Variants in ZNF385B observed in about 807,000 individuals in gnomAD.
ZNF385B encodes the protein zinc finger protein 533.
A neutral mutation model predicts 39.2 loss-of-function variants in ZNF385B; 23 were observed. That is an observed-to-expected ratio of 0.59 (90% confidence interval 0.42 to 0.83). The LOEUF is 0.83. Ranked by LOEUF, ZNF385B falls within the 40% of genes least tolerant of loss-of-function variation. The probability of loss-of-function intolerance (pLI) is 0.00; values close to 1 mark genes in which losing one functional copy is unlikely to be tolerated. For synonymous variants in ZNF385B, 205 were observed against 222.6 expected (o/e 0.92, Z 0.70); for missense variants, 552 against 598.9 (o/e 0.92, Z 0.82).
chr2:179,725,449 A>T (rs1489634428), intron 3 of ZNF385B, among the ~76,000 whole-genome samples: 1 of 151,778 alleles, frequency 6.6e-6, no homozygotes, highest in Non-Finnish European at 1.5e-5. Context: ...ATATTTATGA[A>T]TATATATATA....
intron 3 of ZNF385B, among the ~76,000 whole-genome samples, chr2:179,565,633 G>A (rs528575636): frequency 1.1e-4 from 17 of 152,322 alleles, no homozygotes; most frequent in Non-Finnish European, 2.2e-4. Flanking sequence ...TTCACTGCAC[G>A]AAGCACTAGC....
chr2:179,828,675 A>G (rs904298306), intron 1 of ZNF385B, among the ~76,000 whole-genome samples: 1 of 152,230 alleles, frequency 6.6e-6, no homozygotes, highest in African/African-American at 2.4e-5. Context: ...GAGAGTATGA[A>G]AATTACGAAT....
intron 6 of ZNF385B, among the ~76,000 whole-genome samples, chr2:179,462,780 T>C (rs1021155139): frequency 2.6e-5 from 4 of 152,136 alleles, no homozygotes; most frequent in African/African-American, 7.2e-5. Flanking sequence ...AAGGCCAACA[T>C]TGCAGATAAT....
At chr2:179,665,697 C>A (rs1695054622) in intron 3 of ZNF385B, among the ~76,000 whole-genome samples, 1 of 152,154 alleles carries the variant, frequency 6.6e-6, no homozygotes, top group Admixed American at 6.5e-5. Context: ...AGACAGAGCA[C>A]CAGCTCCCTT....
chr2:179,537,795 T>G (rs990442631), intron 4 of ZNF385B, among the ~76,000 whole-genome samples: 14 of 151,824 alleles, frequency 9.2e-5, no homozygotes, highest in Non-Finnish European at 1.5e-4. Flanking sequence ...AAATGTAAAA[T>G]TTTCTAGGCA....
At chr2:179,762,512 A>G (rs1400550624) in intron 3 of ZNF385B, among the ~76,000 whole-genome samples, 1 of 152,138 alleles carries the variant, frequency 6.6e-6, no homozygotes, top group Non-Finnish European at 1.5e-5. Context: ...TAATTTTTAA[A>G]TGGTAAGCCA....
chr2:179,856,412 C>T (rs1219117859), intron 1 of ZNF385B, among the ~76,000 whole-genome samples: 1 of 151,948 alleles, frequency 6.6e-6, no homozygotes, highest in African/African-American at 2.4e-5. Context: ...CAGGAAGTAA[C>T]CCACGCCCTT....
chr2:179,687,600 T>C (rs1698022362), intron 3 of ZNF385B, among the ~76,000 whole-genome samples: 1 of 152,178 alleles, frequency 6.6e-6, no homozygotes, highest in Admixed American at 6.5e-5. Context: ...ATTATCCCTA[T>C]GTTCCTAGTA....
intron 5 of ZNF385B, among the ~76,000 whole-genome samples, chr2:179,509,567 AG>A (rs1380894995): frequency 6.6e-6 from 1 of 152,192 alleles, no homozygotes; most frequent in African/African-American, 2.4e-5. Context: ...CAAGTTCCTG[AG>A]ATTTATGCTT....
chr2:179,838,015 G>C (rs1293699478), intron 1 of ZNF385B, among the ~76,000 whole-genome samples: 2 of 151,866 alleles, frequency 1.3e-5, no homozygotes, highest in African/African-American at 4.8e-5. Flanking sequence ...AAAATTTTAA[G>C]TGCACAATAT....
intron 3 of ZNF385B, among the ~76,000 whole-genome samples, chr2:179,559,820 A>G (rs1013689522): frequency 1.1e-4 from 17 of 152,190 alleles, no homozygotes; most frequent in African/African-American, 3.9e-4. Context: ...CATACAAAAT[A>G]TATTAACTAC....
At chr2:179,478,058 G>C (rs1319081245) in intron 6 of ZNF385B, among the ~76,000 whole-genome samples, 2 of 152,128 alleles carry the variant, frequency 1.3e-5, no homozygotes, top group Non-Finnish European at 2.9e-5. Flanking sequence ...GAAGTAATTG[G>C]AATAATGAAA....
chr2:179,555,964 T>C (rs1226794203), intron 3 of ZNF385B, among the ~76,000 whole-genome samples: 3 of 149,188 alleles, frequency 2.0e-5, no homozygotes, highest in Non-Finnish European at 4.4e-5. Flanking sequence ...TGATAAGCAA[T>C]AATGAAGTGC....
chr2:179,677,265 A>G (rs1355656578), intron 3 of ZNF385B, among the ~76,000 whole-genome samples: 1 of 152,210 alleles, frequency 6.6e-6, no homozygotes, highest in Non-Finnish European at 1.5e-5. Flanking sequence ...AAGCACAGGA[A>G]GTCTAAAACC....
At chr2:179,694,068 T>C (rs536576179) in intron 3 of ZNF385B, among the ~76,000 whole-genome samples, 1 of 152,224 alleles carries the variant, frequency 6.6e-6, no homozygotes, top group Non-Finnish European at 1.5e-5. Flanking sequence ...TTTATCTGTT[T>C]TAAACTATAT....
intron 1 of ZNF385B, among the ~76,000 whole-genome samples, chr2:179,817,293 T>C (rs1429397309): frequency 6.6e-6 from 1 of 152,202 alleles, no homozygotes; most frequent in African/African-American, 2.4e-5. Flanking sequence ...AATTGTTTCT[T>C]GAATTTCATG....
chr2:179,700,594 A>G (rs1394478147), intron 3 of ZNF385B, among the ~76,000 whole-genome samples: 1 of 152,256 alleles, frequency 6.6e-6, no homozygotes, highest in Non-Finnish European at 1.5e-5. Flanking sequence ...TGCTATAGCA[A>G]AGAAAGACAA....
At chr2:179,809,489 T>G (rs905292630) in intron 1 of ZNF385B, among the ~76,000 whole-genome samples, 1 of 152,102 alleles carries the variant, frequency 6.6e-6, no homozygotes, top group East Asian at 1.9e-4. Context: ...AATATACACA[T>G]AAGACCCAAG....
At chr2:179,559,391 C>T (rs2061172343) in intron 3 of ZNF385B, among the ~76,000 whole-genome samples, 1 of 152,086 alleles carries the variant, frequency 6.6e-6, no homozygotes, top group African/African-American at 2.4e-5. Flanking sequence ...CTGCCATTCT[C>T]CTGACATCCT....
Sources: gnomAD v4.1 joint callset for allele counts (sites outside exome capture counted in the v4.1 genomes callset) on GRCh38, gnomAD v4.1.1 for gene constraint, MANE v1.5 for transcripts, NCBI Gene and HGNC (gene_info 2026-07-23, HGNC 2026-07-21) for gene names.